Variants in CRPPA observed in about 807,000 individuals in gnomAD.
CRPPA encodes D-ribitol-5-phosphate cytidylyltransferase.
CRPPA carries 43 observed loss-of-function variants against 52.0 expected under a neutral mutation model. The observed-to-expected ratio is 0.83, with a 90% confidence interval of 0.65 to 1.07. The LOEUF is 1.07. CRPPA is among the 50% of genes least tolerant of loss of function. CRPPA has a pLI of 0.00. For missense variants in CRPPA, 629 were observed against 551.7 expected, an observed-to-expected ratio of 1.14 and a Z score of -1.40; for synonymous variants, 250 against 203.5, an observed-to-expected ratio of 1.23 and a Z score of -1.94.
intron 6 of CRPPA, among the ~76,000 whole-genome samples, chr7:16,271,195 A>C (rs988141865): frequency 6.6e-6 from 1 of 152,172 alleles, no homozygotes; most frequent in Non-Finnish European, 1.5e-5. Flanking sequence ...CTGTTTGTTC[A>C]GAGTATAGAT....
intron 5 of CRPPA, among the ~76,000 whole-genome samples, chr7:16,299,694 T>C (rs1784751124): frequency 6.6e-6 from 1 of 152,184 alleles, no homozygotes; most frequent in Non-Finnish European, 1.5e-5. Flanking sequence ...GTCAGATTTA[T>C]CTTTCCTAAG....
At chr7:16,311,607 T>C (rs1480395662) in intron 3 of CRPPA, among the ~76,000 whole-genome samples, 1 of 152,114 alleles carries the variant, frequency 6.6e-6, no homozygotes, top group Admixed American at 6.5e-5. Context: ...TTTTGGCAAT[T>C]ATGACTAAAG....
intron 9 of CRPPA, among the ~76,000 whole-genome samples, chr7:16,199,401 T>A (rs1272149948): frequency 6.6e-6 from 1 of 152,148 alleles, no homozygotes; most frequent in African/African-American, 2.4e-5. Flanking sequence ...AAAGGTTATG[T>A]CCAAAAACCT....
rs1781836993 is a variant in CRPPA, at chr7:16,091,539, T to C, written c.*156A>G. ...ATTCTTTATTTCACAGATATAAACA[T>C]TAATCTGCTTTATAATCTAAGCATC... On this transcript the variant is annotated 3_prime_UTR_variant, in exon 10 of 10. Transcript: ENST00000407010. 3.6e-6 allele frequency: 2 copies of C among 549,750 alleles called. No individual in the cohort carries two copies. The highest frequency in any genetic ancestry group is 6.8e-5 in the East Asian group (2 of 29,482). The allele number at this position is 549,750 out of a possible 1,614,324, so 34.1% of individuals were successfully genotyped here.
At chr7:16,307,915 GAAAA>G (rs34460874) in intron 4 of CRPPA, among the ~76,000 whole-genome samples, 2 of 131,262 alleles carry the variant, frequency 1.5e-5, no homozygotes, top group African/African-American at 2.8e-5. Context: ...ACTGAGTGAA[GAAAA>G]AAAAAAAAAA....
chr7:16,254,825 GAAAGA>G (rs1783583669), intron 8 of CRPPA, among the ~76,000 whole-genome samples: 1 of 147,218 alleles, frequency 6.8e-6, no homozygotes, highest in Non-Finnish European at 1.5e-5. Context: ...AAGAAAGAAA[GAAAGA>G]AAGAAAGAAA....
intron 2 of CRPPA, 111 bp downstream of exon 2, chr7:16,405,950 C>T (rs1787942053): frequency 2.1e-6 from 2 of 972,246 alleles, no homozygotes; most frequent in South Asian, 1.7e-5. Context: ...TTTAGGTCAT[C>T]ATGCACATTT....
At chr7:16,320,152 G>C (rs1423022504) in intron 3 of CRPPA, among the ~76,000 whole-genome samples, 1 of 152,048 alleles carries the variant, frequency 6.6e-6, no homozygotes, top group East Asian at 1.9e-4. Flanking sequence ...TAGCTTTAAT[G>C]AGGTTTGAGT....
intron 3 of CRPPA, among the ~76,000 whole-genome samples, chr7:16,330,850 G>C (rs1785531949): frequency 1.3e-5 from 2 of 152,114 alleles, no homozygotes; most frequent in African/African-American, 4.8e-5. Context: ...AGAACATAAT[G>C]AACCTGTGGG....
At chr7:16,387,086 T>TATATATATAC (rs1214967656) in intron 2 of CRPPA, among the ~76,000 whole-genome samples, 14 of 55,776 alleles carry the variant, frequency 2.5e-4, no homozygotes, top group Non-Finnish European at 4.3e-4. Flanking sequence ...TATATATATA[T>TATATATATAC]ACACACATAT....
intron 8 of CRPPA, among the ~76,000 whole-genome samples, chr7:16,227,989 T>G (rs1413652154): frequency 6.6e-6 from 1 of 151,940 alleles, no homozygotes; most frequent in Non-Finnish European, 1.5e-5. Context: ...CAACATTTAT[T>G]GAAGAGATTG....
chr7:16,256,054 G>A (rs936112599), intron 8 of CRPPA, among the ~76,000 whole-genome samples: 3 of 152,148 alleles, frequency 2.0e-5, no homozygotes, highest in Non-Finnish European at 2.9e-5. Context: ...TCTGACAAAG[G>A]TCGAATATCC....
At chr7:16,166,399 C>T (rs1012919852) in intron 9 of CRPPA, among the ~76,000 whole-genome samples, 3 of 152,076 alleles carry the variant, frequency 2.0e-5, no homozygotes, top group African/African-American at 7.2e-5. Flanking sequence ...CCTGCCTCAG[C>T]CTCCCAGGTA....
At chr7:16,205,298 G>A (rs979371214) in intron 9 of CRPPA, among the ~76,000 whole-genome samples, 1 of 152,124 alleles carries the variant, frequency 6.6e-6, no homozygotes, top group Non-Finnish European at 1.5e-5. Context: ...TACTGGTGAA[G>A]AAAATCCATG....
At chr7:16,113,735 A>G (rs1782312914) in intron 9 of CRPPA, among the ~76,000 whole-genome samples, 1 of 151,102 alleles carries the variant, frequency 6.6e-6, no homozygotes, top group Non-Finnish European at 1.5e-5. Context: ...TCCACACACC[A>G]ACATTATTTT....
chr7:16,262,020 G>C (rs930949759), intron 6 of CRPPA: 4 of 151,974 alleles, frequency 2.6e-5, no homozygotes, highest in African/African-American at 9.7e-5. Context: ...ACTATCCTAC[G>C]TTTTGCTTGT....
chr7:16,246,433 C>T (rs997323503), intron 8 of CRPPA, among the ~76,000 whole-genome samples: 25 of 152,142 alleles, frequency 1.6e-4, no homozygotes, highest in Admixed American at 1.6e-3. Flanking sequence ...TATGACCCCC[C>T]ATGAATCACG....
chr7:16,179,575 C>A (rs1333591307), intron 9 of CRPPA, among the ~76,000 whole-genome samples: 1 of 152,052 alleles, frequency 6.6e-6, no homozygotes, highest in Non-Finnish European at 1.5e-5. Flanking sequence ...CAAAGTAATG[C>A]AGGCAGCCTT....
At position 16,286,039 on chromosome 7, in the gene CRPPA, ATATAAATATAT is replaced by A. The variant is rs1562608364; in HGVS notation, c.836-7824_836-7814del. 8.0e-3 allele frequency among the ~76,000 whole-genome samples: 192 copies of A among 23,938 alleles called. 23 individuals carry two copies. Among genetic ancestry groups the A allele is most frequent in the Middle Eastern group, 0.05 (1 of 20 alleles). 15.7% of individuals were successfully genotyped at this position (23,938 alleles called of 152,430 possible). On this transcript the variant is annotated intron_variant, in intron 5 of 9. Coordinates refer to ENST00000407010, the MANE Select transcript of CRPPA (RefSeq NM_001101426.4). Reference sequence around the variant, plus strand: ...CCATCTCAAAAAAAAAAAAAAAAAAATATAAATATATATATATATATATATATATATATATA... The same window carrying A: ...CCATCTCAAAAAAAAAAAAAAAAAAAATATATATATATATATATATATATA...
Sources: gnomAD v4.1 joint callset for allele counts (sites outside exome capture counted in the v4.1 genomes callset) on GRCh38, gnomAD v4.1.1 for gene constraint, MANE v1.5 for transcripts, NCBI Gene and HGNC (gene_info 2026-07-23, HGNC 2026-07-21) for gene names.